The following HERC3 variants were observed in gnomAD, a reference collection of about 807,000 sequenced individuals.
HERC3 encodes the protein HECT and RLD domain containing E3 ubiquitin protein ligase 3.
HERC3 carries 58 observed loss-of-function variants against 129.9 expected under a neutral mutation model. The observed-to-expected ratio is 0.45, with a 90% CI of 0.36 to 0.56. The LOEUF is 0.56. Ranked by LOEUF, HERC3 falls within the 20% of genes least tolerant of loss-of-function variation. HERC3 has a pLI of 0.00. For missense variants in HERC3, 835 were observed against 1,244.2 expected (o/e 0.67, Z 4.95); for synonymous variants, 430 against 451.0 (o/e 0.95, Z 0.59).
chr4:88,678,156 C>T lies in HERC3; in HGVS notation c.2196+22C>T, dbSNP rs745714000. ...CAAAGTGAGTTCCTTCAGGATATTC[C>T]TCTAAATACCTTCGCAATTTTTCTT... On this transcript the variant is annotated intron_variant, in intron 19 of 25. Transcript: ENST00000402738. The T allele has an allele frequency of 3.1e-6, 5 of 1,606,084 alleles. No individual in the cohort carries two copies. The African/African-American group carries it at 6.7e-5, about 21-fold the overall frequency.
chr4:88,668,518 T>A (rs1731275552), intron 14 of HERC3: 2 of 163,924 alleles, frequency 1.2e-5, no homozygotes, highest in African/African-American at 4.8e-5. Flanking sequence ...AAATGTTTGT[T>A]TTGTTTTTCT....
chr4:88,584,103 A>G, the HERC3 span: 1 of 152,228 alleles, frequency 6.6e-6, no homozygotes, highest in Non-Finnish European at 1.5e-5. Context: ...TGAAGGCTAG[A>G]AGTTTGAAAT....
chr4:88,645,706 G>C (rs1007293443), intron 3 of HERC3, among the ~76,000 whole-genome samples: 1 of 152,072 alleles, frequency 6.6e-6, no homozygotes, highest in African/African-American at 2.4e-5. Flanking sequence ...AGGTAGAGCG[G>C]GACAGTGAGA....
chr4:88,664,720 T>A (rs1380457741), intron 12 of HERC3, among the ~76,000 whole-genome samples: 1 of 152,192 alleles, frequency 6.6e-6, no homozygotes, highest in Non-Finnish European at 1.5e-5. Flanking sequence ...ATTTCTTTGG[T>A]TTGCTTTCCC....
Position 88,706,509 on chromosome 4 carries a change from A to G in HERC3, c.2945-243A>G, listed in dbSNP as rs767097309. 7.9e-5 allele frequency among the ~76,000 whole-genome samples: 12 copies of G among 151,958 alleles called. No homozygotes were observed. Among genetic ancestry groups the G allele is most frequent in the Admixed American group, 3.3e-4 (5 of 15,274 alleles). On this transcript the variant is annotated intron_variant, in intron 25 of 25. Coordinates refer to ENST00000402738, the MANE Select transcript of HERC3 (RefSeq NM_014606.3). ...CAGCTCCTCTTTTCCTATGACAGCA[A>G]TTCCTTCCCTCTTTGATTTTGTGAA...
chr4:88,684,392 G>T (rs961204477), intron 21 of HERC3, among the ~76,000 whole-genome samples: 2 of 152,178 alleles, frequency 1.3e-5, no homozygotes, highest in Non-Finnish European at 2.9e-5. Context: ...AATAAATGGT[G>T]CTGGGAAAAC....
intron 22 of HERC3, 58 bp from the exon 23 acceptor site, chr4:88,687,159 C>A: frequency 7.4e-7 from 1 of 1,346,464 alleles, no homozygotes; most frequent in Non-Finnish European, 1.1e-6. Context: ...CATTTGAGTT[C>A]TAGAAAGATG....
At chr4:88,557,024 A>G in the HERC3 span, among the ~76,000 whole-genome samples, 1 of 152,010 alleles carries the variant, frequency 6.6e-6, no homozygotes. Context: ...CAAAATGACC[A>G]TACATCTCCC....
chr4:88,648,371 G>A (rs577206703), intron 3 of HERC3, among the ~76,000 whole-genome samples: 23 of 152,140 alleles, frequency 1.5e-4, no homozygotes, highest in Middle Eastern at 6.3e-3. Context: ...TCTGAGAAAA[G>A]CAGTATGGGA....
intron 3 of HERC3, among the ~76,000 whole-genome samples, chr4:88,649,232 C>T (rs554730551): frequency 7.5e-4 from 114 of 152,172 alleles, no homozygotes; most frequent in African/African-American, 2.7e-3. Flanking sequence ...GTGTGTGATT[C>T]TTGTTGACTG....
At chr4:88,638,041 G>A (rs1727625539) in intron 3 of HERC3, among the ~76,000 whole-genome samples, 1 of 152,164 alleles carries the variant, frequency 6.6e-6, no homozygotes, top group African/African-American at 2.4e-5. Context: ...TGAAGTACAG[G>A]AAGAAGTTGA....
chr4:88,658,509 A>T lies in HERC3; in HGVS notation c.1146+18A>T, dbSNP rs1359650604. The T allele has an allele frequency of 7.1e-7, 1 of 1,410,304 alleles. No individual in the cohort carries two copies. The highest frequency in any genetic ancestry group is 1.0e-6 in the Non-Finnish European group (1 of 1,002,182). 87.4% of individuals were successfully genotyped at this position (1,410,304 alleles called of 1,614,324 possible). On this transcript the variant is annotated intron_variant, in intron 10 of 25. Transcript: ENST00000402738. ...AATACGAGGTAAAATTTTTCTTGTG[A>T]CTCTTATTTCCAGGAAGGAATAATA...
intron 2 of HERC3, among the ~76,000 whole-genome samples, chr4:88,603,391 A>G (rs1442895298): frequency 6.6e-6 from 1 of 152,086 alleles, no homozygotes; most frequent in Non-Finnish European, 1.5e-5. Context: ...TATTTTTAGT[A>G]GAGATGCGGT....
At chr4:88,643,000 A>C (rs1474901372) in intron 3 of HERC3, among the ~76,000 whole-genome samples, 1 of 152,150 alleles carries the variant, frequency 6.6e-6, no homozygotes, top group East Asian at 1.9e-4. Flanking sequence ...CTTTCTATTA[A>C]AAATTGCAGT....
At chr4:88,656,494 G>C (rs1729914649) in intron 9 of HERC3, 1 of 160,498 alleles carries the variant, frequency 6.2e-6, no homozygotes, top group Admixed American at 6.0e-5. Flanking sequence ...TACACCACCA[G>C]ATCTCATGTG....
intron 8 of HERC3, 106 bp from the exon 9 acceptor site, chr4:88,655,769 A>G (rs1047042923): frequency 2.5e-5 from 29 of 1,142,404 alleles, no homozygotes; most frequent in Middle Eastern, 2.2e-4. Context: ...GAAAGGCTCT[A>G]TAGGAGCACC....
chr4:88,526,822 T>G, the HERC3 span, among the ~76,000 whole-genome samples: 1 of 152,196 alleles, frequency 6.6e-6, no homozygotes, highest in Non-Finnish European at 1.5e-5. Flanking sequence ...CATAAGCCAC[T>G]GTGCCCAGCC....
the HERC3 span, among the ~76,000 whole-genome samples, chr4:88,582,216 T>A: frequency 1.3e-5 from 2 of 151,502 alleles, no homozygotes; most frequent in Non-Finnish European, 2.9e-5. Flanking sequence ...CAGTATAACA[T>A]TGAAGCTTTA....
At chr4:88,644,272 A>G (rs1449173818) in intron 3 of HERC3, among the ~76,000 whole-genome samples, 5 of 152,058 alleles carry the variant, frequency 3.3e-5, no homozygotes, top group South Asian at 4.1e-4. Context: ...TAACCTAGCA[A>G]TCTCACACCT....
Sources: gnomAD v4.1 joint callset for allele counts (sites outside exome capture counted in the v4.1 genomes callset) on GRCh38, gnomAD v4.1.1 for gene constraint, MANE v1.5 for transcripts, NCBI Gene and HGNC (gene_info 2026-07-23, HGNC 2026-07-21) for gene names.